POM121C: variants seen among roughly 807,000 people sequenced by gnomAD.
The protein encoded by POM121C is POM121 transmembrane nucleoporin C, also known as nuclear envelope pore membrane protein POM 121C.
Under a neutral mutation model 66.4 loss-of-function variants are expected in POM121C, and 20 were observed. The observed-to-expected ratio is 0.30, with a 90% confidence interval of 0.21 to 0.44. The LOEUF is 0.44. Among genes scored for constraint, POM121C ranks in the 20% least tolerant of loss-of-function variants. The pLI is 1.00. For synonymous variants in POM121C, 286 were observed against 528.0 expected (o/e 0.54, Z 6.28); for missense variants, 580 against 1,225.7 (o/e 0.47, Z 7.87).
chr7:75,446,874 G>A (rs1440546895), intron 3 of POM121C, among the ~76,000 whole-genome samples: 17 of 148,988 alleles, frequency 1.1e-4, no homozygotes, highest in South Asian at 2.1e-4. Context: ...CAGGCATGGT[G>A]GCGGGCGCCT....
At chr7:75,458,009 A>G (rs71270894) in intron 3 of POM121C, among the ~76,000 whole-genome samples, 23,674 of 150,622 alleles carry the variant, frequency 0.16, 457 homozygotes, top group Middle Eastern at 0.23. Context: ...TTATTTTCGC[A>G]TTGAAAATCA....
At chr7:75,485,553 G>A (rs1362140193) in intron 1 of POM121C, among the ~76,000 whole-genome samples, 2 of 152,182 alleles carry the variant, frequency 1.3e-5, no homozygotes, top group Non-Finnish European at 2.9e-5. Context: ...TAGAAGTGCT[G>A]ACGGACGTTT....
intron 7 of POM121C, among the ~76,000 whole-genome samples, chr7:75,431,664 T>C (rs782505712): frequency 1.9e-4 from 28 of 146,616 alleles, no homozygotes; most frequent in Non-Finnish European, 3.9e-4. Flanking sequence ...AATACATTGC[T>C]TAGCAGCTGG....
Position 75,421,861 on chromosome 7 carries a change from G to A in POM121C, c.2391C>T (p.Ser797=), listed in dbSNP as rs587601085. Residue 797 remains serine (S), a synonymous_variant, in exon 13 of 15, where the codon TCC becomes TCT. Coordinates refer to ENST00000615331, the MANE Select transcript of POM121C (RefSeq NM_001099415.3). ...PASSQPAFGG[S]TAVFSFGAAT... is the part of the protein sequence containing the mutation. Reference sequence around the variant, plus strand: ...CTGCACCGAAGGAGAAGACAGCAGTGGAGCCGCCAAAGGCGGGCTGTGAGC... The same window carrying A: ...CTGCACCGAAGGAGAAGACAGCAGTAGAGCCGCCAAAGGCGGGCTGTGAGC... The A allele has an allele frequency of 1.6e-5, 25 of 1,611,252 alleles. No individual in the cohort carries two copies. Among genetic ancestry groups the A allele is most frequent in the African/African-American group, 8.0e-5 (6 of 75,000 alleles).
intron 1 of POM121C, among the ~76,000 whole-genome samples, chr7:75,477,031 C>T (rs1554479456): frequency 6.6e-6 from 1 of 151,048 alleles, no homozygotes; most frequent in Non-Finnish European, 1.5e-5. Flanking sequence ...AATATTACAC[C>T]CTAATATGCC....
Position 75,416,835 on chromosome 7 carries a change from T to G in POM121C, c.*1961A>C, listed in dbSNP as rs1250038623. 3.5e-5 allele frequency: 51 copies of G among 1,453,696 alleles called. No individual in the cohort carries two copies. The highest frequency in any genetic ancestry group is 3.1e-5 in the Non-Finnish European group (34 of 1,103,022). The allele number at this position is 1,453,696 out of a possible 1,614,324, so 90.0% of individuals were successfully genotyped here. A position where few individuals can be genotyped will look rare whatever the true frequency, so the allele number is the denominator to read the frequency against. On this transcript the variant is annotated 3_prime_UTR_variant, in exon 15 of 15. Coordinates refer to ENST00000615331, the MANE Select transcript of POM121C (RefSeq NM_001099415.3). Reference sequence around the variant, plus strand: ...CTTAATGTCACAAGCAGGAGAAAAATCTCACATTCATACTAAAAATTCCAA... The same window carrying G: ...CTTAATGTCACAAGCAGGAGAAAAAGCTCACATTCATACTAAAAATTCCAA...
chr7:75,463,113 A>G (rs1791502834), intron 3 of POM121C, among the ~76,000 whole-genome samples: 1 of 152,118 alleles, frequency 6.6e-6, no homozygotes, highest in South Asian at 2.1e-4. Context: ...ACTTGAGGCC[A>G]GGAGTTTGAG....
intron 3 of POM121C, chr7:75,442,679 C>G: frequency 7.0e-7 from 1 of 1,429,708 alleles, no homozygotes; most frequent in Non-Finnish European, 9.1e-7. Flanking sequence ...TATCGGCCGC[C>G]GCCGCTCGCC....
intron 3 of POM121C, among the ~76,000 whole-genome samples, chr7:75,465,490 C>T (rs1190085965): frequency 6.6e-6 from 1 of 151,210 alleles, no homozygotes; most frequent in Non-Finnish European, 1.5e-5. Context: ...CACAGTGGCT[C>T]ACACCTGTAA....
At chr7:75,476,624 G>C (rs368747924) in intron 1 of POM121C, among the ~76,000 whole-genome samples, 3 of 152,180 alleles carry the variant, frequency 2.0e-5, no homozygotes, top group East Asian at 3.9e-4. Flanking sequence ...ATCACCGAGA[G>C]AGAGTAATAA....
rs1792526550 is a variant in POM121C, at chr7:75,485,965, C to A, written c.-559G>T. 2 of 498,728 alleles carry A rather than the reference C, an allele frequency of 4.0e-6. No homozygotes were observed. Among genetic ancestry groups the A allele is most frequent in the Non-Finnish European group, 7.9e-6 (2 of 252,274 alleles). The allele number at this position is 498,728 out of a possible 1,614,324, so 30.9% of individuals were successfully genotyped here. On this transcript the variant is annotated 5_prime_UTR_variant, in exon 1 of 15. Coordinates refer to ENST00000615331, the MANE Select transcript of POM121C (RefSeq NM_001099415.3). ...TGCTCGCGAGGTCCCCTCCTGTCCA[C>A]CTCACCAAGGCTGTTCTGCTCCCGA...
Position 75,441,444 on chromosome 7 carries a change from G to A in POM121C, c.53C>T (p.Ser18Leu), listed in dbSNP as rs2116411702. 1 of 1,613,974 alleles carries A rather than the reference G, an allele frequency of 6.2e-7. No individual in the cohort carries two copies. Among genetic ancestry groups the A allele is most frequent in the Non-Finnish European group, 8.5e-7 (1 of 1,179,856 alleles). ...CGATAATACTCACATCGCAGAACGT[G>A]AAAATCTTCTGTCAGGAGGGGCGAT... ...VRIAPPDRRF[S>L]RSAIPEQIIS... Residue 18 changes from serine (S) to leucine (L), a missense_variant, in exon 4 of 15, where the codon TCA (serine) becomes TTA (leucine). Ser to Leu is a moderately radical substitution (Grantham distance 145, BLOSUM62 -2). Transcript: ENST00000615331.
At position 75,465,143 on chromosome 7, in the gene POM121C, C is replaced by T. The variant is rs1165017383; in HGVS notation, c.-152+9561G>A. On this transcript the variant is annotated intron_variant, in intron 3 of 14. Coordinates refer to ENST00000615331, the MANE Select transcript of POM121C (RefSeq NM_001099415.3). Reference sequence around the variant, plus strand: ...CCAAGTAGCTGGGATTACAGGCATGCGCCACCATGCCCGGCTATTTTTGTA... The same window carrying T: ...CCAAGTAGCTGGGATTACAGGCATGTGCCACCATGCCCGGCTATTTTTGTA... Among the ~76,000 whole-genome samples the T allele has an allele frequency of 1.3e-4, 20 of 151,500 alleles. No homozygotes were observed. In the East Asian group the frequency reaches 2.0e-3, roughly 15 times the overall value.
At chr7:75,425,476 CTA>C (rs1554471600) in intron 9 of POM121C, 157 bp downstream of exon 9, 1 of 1,296,256 alleles carries the variant, frequency 7.7e-7, no homozygotes, top group African/African-American at 1.5e-5. Flanking sequence ...CCTCATCAGA[CTA>C]TAAACTTCTG....
At chr7:75,468,127 A>T (rs1217693614) in intron 3 of POM121C, among the ~76,000 whole-genome samples, 7 of 7,410 alleles carry the variant, frequency 9.4e-4, no homozygotes, top group African/African-American at 4.5e-3. Flanking sequence ...GACTCTGTCT[A>T]AAAAAAAAAA....
intron 3 of POM121C, among the ~76,000 whole-genome samples, chr7:75,470,574 C>T (rs1554478501): frequency 1.3e-5 from 2 of 152,032 alleles, no homozygotes; most frequent in Admixed American, 6.5e-5. Context: ...TCCTCTTTTA[C>T]CTCAACATTC....
intron 5 of POM121C, among the ~76,000 whole-genome samples, chr7:75,439,722 G>A (rs1177541122): frequency 1.3e-5 from 2 of 152,098 alleles, no homozygotes; most frequent in African/African-American, 4.8e-5. Context: ...TCCCATGAGA[G>A]CAGAGATTTT....
chr7:75,428,952 A>G (rs1408401639), intron 7 of POM121C, among the ~76,000 whole-genome samples: 12 of 90,012 alleles, frequency 1.3e-4, no homozygotes, highest in Non-Finnish European at 8.3e-5. Context: ...CTCTTCAAGG[A>G]AAAAAAAAAA....
At chr7:75,474,156 G>C (rs1434751854) in intron 3 of POM121C, among the ~76,000 whole-genome samples, 1 of 152,198 alleles carries the variant, frequency 6.6e-6, no homozygotes, top group Non-Finnish European at 1.5e-5. Flanking sequence ...CACTTGGGGA[G>C]GCTGAGGTGG....
Sources: gnomAD v4.1 joint callset for allele counts (sites outside exome capture counted in the v4.1 genomes callset) on GRCh38, gnomAD v4.1.1 for gene constraint, MANE v1.5 for transcripts, NCBI Gene and HGNC (gene_info 2026-07-23, HGNC 2026-07-21) for gene names.